Variants in CACNA2D4 observed in about 807,000 individuals in gnomAD.
CACNA2D4 encodes calcium voltage-gated channel auxiliary subunit alpha2delta 4.
In CACNA2D4, 157 loss-of-function variants were observed where a neutral mutation model predicts 163.8. That is an observed-to-expected ratio of 0.96 (90% CI 0.84 to 1.09). The LOEUF is 1.09. CACNA2D4 is among the 50% of genes least tolerant of loss of function. The pLI is 0.00. For missense variants in CACNA2D4, 1,410 were observed against 1,479.9 expected (o/e 0.95, Z 0.78); for synonymous variants, 598 against 586.9 (o/e 1.02, Z -0.27).
intron 18 of CACNA2D4, among the ~76,000 whole-genome samples, chr12:1,868,766 C>T (rs1195976012): frequency 6.6e-6 from 1 of 152,074 alleles, no homozygotes; most frequent in East Asian, 1.9e-4. Context: ...GGTTCCACAT[C>T]CCTGGATTCG....
chr12:1,872,252 T>A (rs1172216981), intron 18 of CACNA2D4, among the ~76,000 whole-genome samples: 1 of 152,218 alleles, frequency 6.6e-6, no homozygotes, highest in African/African-American at 2.4e-5. Context: ...CAGAGCCCCC[T>A]GCACGGAGGC....
At chr12:1,801,522 G>C in intron 30 of CACNA2D4, 52 bp downstream of exon 30, 1 of 1,374,958 alleles carries the variant, frequency 7.3e-7, no homozygotes, top group East Asian at 2.5e-5. Context: ...CTTAGCGTCA[G>C]CTCTCGGTTT....
intron 6 of CACNA2D4, among the ~76,000 whole-genome samples, chr12:1,907,180 G>A (rs1053542765): frequency 1.3e-5 from 2 of 152,268 alleles, no homozygotes; most frequent in Non-Finnish European, 2.9e-5. Context: ...CATGGGACAG[G>A]AGCTTCATGT....
In CACNA2D4 at chr12:1,828,106, C is replaced by T; in HGVS notation, c.2551+12633G>A. On this transcript the variant is annotated intron_variant, in intron 26 of 37. Transcript: ENST00000382722. The surrounding 1 kb of genome is among the most constrained non-coding windows in gnomAD (Gnocchi z 4.2). ...ACAGGCGGCGCACCCAGGGGCTCCT[C>T]TCTCCCCAGAGCGACAGGGCCCGGA... 6.7e-7 allele frequency: 1 copy of T among 1,485,948 alleles called. No homozygotes were observed. The highest frequency in any genetic ancestry group is 1.3e-5 in the South Asian group (1 of 75,784). The allele number at this position is 1,485,948 out of a possible 1,614,324, so 92.0% of individuals were successfully genotyped here. A position where few individuals can be genotyped will look rare whatever the true frequency, so the allele number is the denominator to read the frequency against.
intron 8 of CACNA2D4, 23 bp from the exon 9 acceptor site, chr12:1,886,062 G>A: frequency 1.3e-6 from 2 of 1,590,544 alleles, no homozygotes; most frequent in South Asian, 1.1e-5. Context: ...TGAGTTGAGG[G>A]GAGGTGGGGG....
At chr12:1,876,281 C>T (rs778805501) in intron 16 of CACNA2D4, among the ~76,000 whole-genome samples, 12 of 152,156 alleles carry the variant, frequency 7.9e-5, no homozygotes, top group African/African-American at 2.7e-4. Flanking sequence ...TTGAATGGGA[C>T]GGAGACAAGG....
chr12:1,909,775 G>A (rs531405233), intron 4 of CACNA2D4, 131 bp downstream of exon 4: 2 of 724,714 alleles, frequency 2.8e-6, no homozygotes, highest in East Asian at 2.7e-5. Context: ...CTGTGCCTGT[G>A]AGGGGTGAGC....
chr12:1,845,600 G>A (rs1352318869), intron 24 of CACNA2D4, among the ~76,000 whole-genome samples: 7 of 152,136 alleles, frequency 4.6e-5, no homozygotes, highest in Non-Finnish European at 8.8e-5. Context: ...CAGGGGCCCT[G>A]GGCTGCTCTC....
In CACNA2D4 at chr12:1,917,629, A is replaced by G. The variant is rs1194909096; in HGVS notation, c.227+618T>C. On this transcript the variant is annotated intron_variant, in intron 1 of 37. Transcript: ENST00000382722. The surrounding 1 kb of genome is among the most constrained non-coding windows in gnomAD (Gnocchi z 4.3). Reference sequence around the variant, plus strand: ...GTAATTTACATGTACACCAAGGTGCACATGACTGATACCGGGTTCTTTCCT... The same window carrying G: ...GTAATTTACATGTACACCAAGGTGCGCATGACTGATACCGGGTTCTTTCCT... 1.3e-5 allele frequency among the ~76,000 whole-genome samples: 2 copies of G among 152,236 alleles called. No homozygotes were observed. Among genetic ancestry groups the G allele is most frequent in the Non-Finnish European group, 2.9e-5 (2 of 68,038 alleles).
chr12:1,848,052 A>G (rs1592708578), intron 23 of CACNA2D4, among the ~76,000 whole-genome samples: 1 of 152,180 alleles, frequency 6.6e-6, no homozygotes, highest in Admixed American at 6.5e-5. Flanking sequence ...TTATTGAGAT[A>G]TCGTTCAAAT....
Position 1,856,049 on chromosome 12 carries a change from C to G in CACNA2D4, c.2115G>C (p.Met705Ile). ...DHRKLSQLEAMIRFLTRKDPD... is the reference protein window; with the variant it reads ...DHRKLSQLEAIIRFLTRKDPD... ...GGTCCTTCCTGGTGAGGAAGCGGAT[C>G]ATGGCCTCTAGCTGGCTGAGCTTCC... is the stretch of plus-strand genomic sequence containing the variant. The change falls in exon 22 of 38, where the codon ATG (methionine) becomes ATC (isoleucine). Residue 705 changes from methionine to isoleucine, a missense_variant. Physicochemically the swap from Met to Ile is conservative, Grantham distance 10. Coordinates refer to ENST00000382722, the MANE Select transcript of CACNA2D4 (RefSeq NM_172364.5). The G allele has an allele frequency of 1.2e-6, 2 of 1,614,008 alleles. No individual in the cohort carries two copies. Among genetic ancestry groups the G allele is most frequent in the South Asian group, 1.1e-5 (1 of 91,080 alleles).
chr12:1,906,022 C>A (rs769204751), intron 6 of CACNA2D4, among the ~76,000 whole-genome samples: 2 of 152,102 alleles, frequency 1.3e-5, no homozygotes, highest in Admixed American at 6.5e-5. Flanking sequence ...CAGAAATAAA[C>A]CCCCACATAT....
rs1193024001 is a variant in CACNA2D4 at position 1,884,230 on chromosome 12, G to A, written c.1351+13C>T. 2 of 1,609,534 alleles carry A rather than the reference G, an allele frequency of 1.2e-6. No individual in the cohort carries two copies. Among genetic ancestry groups the A allele is most frequent in the South Asian group, 2.2e-5 (2 of 89,620 alleles). ...GGTGCAGGTGGGAAGGTACCTGCTG[G>A]CCCGGCACTCACCTTTGTTGTTGCA... On this transcript the variant is annotated intron_variant, in intron 12 of 37. Coordinates refer to ENST00000382722, the MANE Select transcript of CACNA2D4 (RefSeq NM_172364.5).
At chr12:1,877,283 C>G (rs1276874532) in intron 16 of CACNA2D4, among the ~76,000 whole-genome samples, 1 of 152,196 alleles carries the variant, frequency 6.6e-6, no homozygotes, top group African/African-American at 2.4e-5. Flanking sequence ...CCCCTCAATT[C>G]TACAAGTCAG....
intron 6 of CACNA2D4, among the ~76,000 whole-genome samples, chr12:1,907,150 G>A (rs1866678947): frequency 6.6e-6 from 1 of 152,220 alleles, no homozygotes; most frequent in South Asian, 2.1e-4. Flanking sequence ...ATCCTTCTTT[G>A]TATCTTCCAA....
rs575633684 is a variant in CACNA2D4 at position 1,829,408 on chromosome 12, G to A, written c.2551+11331C>T. Among the ~76,000 whole-genome samples the A allele has an allele frequency of 9.9e-5, 15 of 152,146 alleles. No homozygotes were observed. In the South Asian group the frequency reaches 1.9e-3, roughly 19 times the overall value. Reference sequence around the variant, plus strand: ...GGCTCAGAGGGGTGAGAGGGTGAGCGGAGACATGAGGTAACCCAAGATGGC... The same window carrying A: ...GGCTCAGAGGGGTGAGAGGGTGAGCAGAGACATGAGGTAACCCAAGATGGC... On this transcript the variant is annotated intron_variant, in intron 26 of 37. Coordinates refer to ENST00000382722, the MANE Select transcript of CACNA2D4 (RefSeq NM_172364.5). This position sits in a 1 kb window ranked among gnomAD's most constrained non-coding sequence, Gnocchi z 4.2.
intron 11 of CACNA2D4, 61 bp from the exon 12 acceptor site, chr12:1,884,382 A>G (rs1376071458): frequency 2.6e-5 from 35 of 1,348,084 alleles, no homozygotes; most frequent in Non-Finnish European, 3.7e-5. Context: ...TAATGTTAAC[A>G]TTGTTTATAT....
chr12:1,883,087 T>C lies in CACNA2D4; in HGVS notation c.1352-87A>G. On this transcript the variant is annotated intron_variant, in intron 12 of 37. Transcript: ENST00000382722. The surrounding 1 kb of genome is among the most constrained non-coding windows in gnomAD (Gnocchi z 4.5). ...GGCCTGCACCCTCCCCAGCTGCAGA[T>C]GGCTCATAGCCGAATACTCTCTGGA... is the stretch of plus-strand genomic sequence containing the variant. 1 of 1,411,920 alleles carries C rather than the reference T, an allele frequency of 7.1e-7. No homozygotes were observed. Among genetic ancestry groups the C allele is most frequent in the Non-Finnish European group, 9.7e-7 (1 of 1,036,262 alleles). 87.5% of individuals were successfully genotyped at this position (1,411,920 alleles called of 1,614,324 possible). A position where few individuals can be genotyped will look rare whatever the true frequency, so the allele number is the denominator to read the frequency against.
At chr12:1,839,564 G>T (rs535403919) in intron 26 of CACNA2D4, among the ~76,000 whole-genome samples, 1 of 152,214 alleles carries the variant, frequency 6.6e-6, no homozygotes, top group Admixed American at 6.5e-5. Context: ...TAGCTGTGGG[G>T]CTTTGGGCAA....
Sources: allele counts gnomAD v4.1 joint callset (sites outside exome capture counted in the v4.1 genomes callset), GRCh38; gene constraint gnomAD v4.1.1; non-coding constraint Gnocchi (gnomAD v3.1); transcripts MANE v1.5; gene names NCBI Gene and HGNC (gene_info 2026-07-23, HGNC 2026-07-21).